SUPT3H: variants seen among roughly 807,000 people sequenced by gnomAD.
The protein encoded by SUPT3H is transcription initiation protein SPT3 homolog.
SUPT3H carries 44 observed loss-of-function variants against 44.3 expected under a neutral mutation model. The ratio of observed to expected loss-of-function variants is 0.99; its 90% CI spans 0.78 to 1.28. The LOEUF (loss-of-function observed/expected upper bound fraction) is 1.28, where lower values mean the gene tolerates loss of function less well. Among genes scored for constraint, SUPT3H ranks in the 50% most tolerant of loss-of-function variants. The probability of loss-of-function intolerance (pLI) is 0.00; values close to 1 mark genes in which losing one functional copy is unlikely to be tolerated. For synonymous variants in SUPT3H, 124 were observed against 125.6 expected, an observed-to-expected ratio of 0.99 and a Z score of 0.09; for missense variants, 380 against 387.1, an observed-to-expected ratio of 0.98 and a Z score of 0.15.
Position 45,003,652 on chromosome 6 carries a change from C to A in SUPT3H, c.504+1G>T, listed in dbSNP as rs143008476. ...TGTAAAAAGGGAAGAATGTACTATACCTCCATTCTTTCTTGTTTAACTTCA... is the reference window on the plus strand; with the variant it reads ...TGTAAAAAGGGAAGAATGTACTATAACTCCATTCTTTCTTGTTTAACTTCA... On this transcript the variant is annotated splice_donor_variant, in intron 6 of 10. Coordinates refer to ENST00000371459, the MANE Select transcript of SUPT3H (RefSeq NM_003599.4). LOFTEE classifies it high-confidence loss of function. The A allele has an allele frequency of 1.2e-6, 2 of 1,613,046 alleles. No homozygotes were observed. The highest frequency in any genetic ancestry group is 1.7e-6 in the Non-Finnish European group (2 of 1,179,404).
intron 2 of SUPT3H, among the ~76,000 whole-genome samples, chr6:45,110,177 C>A (rs12198982): frequency 0.19 from 29,079 of 152,136 alleles, 3,594 homozygotes; most frequent in Non-Finnish European, 0.28. Context: ...TCTTCTCATG[C>A]AAACAGTATT....
chr6:44,946,034 C>T (rs1024646858), intron 9 of SUPT3H, among the ~76,000 whole-genome samples: 1 of 152,106 alleles, frequency 6.6e-6, no homozygotes, highest in African/African-American at 2.4e-5. Flanking sequence ...AATCAGGATC[C>T]TGAAAAATTA....
intron 10 of SUPT3H, among the ~76,000 whole-genome samples, chr6:44,890,520 G>T (rs1194860518): frequency 6.8e-6 from 1 of 146,144 alleles, no homozygotes; most frequent in Non-Finnish European, 1.5e-5. Flanking sequence ...CAAAAAACCA[G>T]ACACCGCATA....
chr6:45,081,212 C>T (rs889945274), intron 3 of SUPT3H, among the ~76,000 whole-genome samples: 3 of 151,964 alleles, frequency 2.0e-5, no homozygotes, highest in Non-Finnish European at 4.4e-5. Context: ...TGGTCCCTAT[C>T]TTACTTTTAC....
At chr6:44,839,137 GTAT>G (rs201728904) in intron 10 of SUPT3H, among the ~76,000 whole-genome samples, 4,077 of 152,130 alleles carry the variant, frequency 0.027, 104 homozygotes, top group South Asian at 0.12. Context: ...ATTTTATTGG[GTAT>G]TATTCTAATT....
intron 2 of SUPT3H, among the ~76,000 whole-genome samples, chr6:45,147,527 G>A (rs1806275401): frequency 6.6e-6 from 1 of 152,140 alleles, no homozygotes; most frequent in Non-Finnish European, 1.5e-5. Context: ...ATTATACAGT[G>A]TAATTGTTGT....
intron 10 of SUPT3H, among the ~76,000 whole-genome samples, chr6:44,862,240 G>A (rs1774771157): frequency 6.6e-6 from 1 of 151,706 alleles, no homozygotes; most frequent in Non-Finnish European, 1.5e-5. Flanking sequence ...TTCTCTGCTT[G>A]GCTTAACTCT....
At chr6:45,022,415 G>GTTTT (rs3053670) in intron 3 of SUPT3H, among the ~76,000 whole-genome samples, 1 of 141,562 alleles carries the variant, frequency 7.1e-6, no homozygotes. Context: ...TGGAATCACT[G>GTTTT]TTTTTTTTTT....
chr6:45,321,056 G>C (rs1301464712), intron 2 of SUPT3H, among the ~76,000 whole-genome samples: 1 of 151,916 alleles, frequency 6.6e-6, no homozygotes, highest in Non-Finnish European at 1.5e-5. Flanking sequence ...TTCTAGCCTT[G>C]AATTACCATA....
intron 2 of SUPT3H, among the ~76,000 whole-genome samples, chr6:45,310,945 G>T (rs193100948): frequency 6.6e-6 from 1 of 152,288 alleles, no homozygotes; most frequent in East Asian, 1.9e-4. Flanking sequence ...TCACTTACCT[G>T]AAAAAGAATT....
chr6:44,941,318 G>C (rs1446313131), intron 9 of SUPT3H, among the ~76,000 whole-genome samples: 1 of 151,998 alleles, frequency 6.6e-6, no homozygotes, highest in Admixed American at 6.6e-5. Flanking sequence ...TTTGTGTAAG[G>C]TCAGACTAGT....
intron 10 of SUPT3H, among the ~76,000 whole-genome samples, chr6:44,887,290 C>T (rs375871387): frequency 3.3e-5 from 5 of 152,060 alleles, no homozygotes; most frequent in Non-Finnish European, 5.9e-5. Context: ...TACAGAACTC[C>T]CCACTGCAAA....
chr6:44,917,560 T>C (rs1304318452), intron 10 of SUPT3H, among the ~76,000 whole-genome samples: 3 of 152,118 alleles, frequency 2.0e-5, no homozygotes, highest in South Asian at 4.1e-4. Context: ...TGTCTAAACA[T>C]GCAAATATGA....
At chr6:45,134,699 C>T (rs1804002848) in intron 2 of SUPT3H, among the ~76,000 whole-genome samples, 1 of 152,172 alleles carries the variant, frequency 6.6e-6, no homozygotes, top group African/African-American at 2.4e-5. Flanking sequence ...AGTAGTCTCA[C>T]ATAGGTCTAA....
intron 2 of SUPT3H, among the ~76,000 whole-genome samples, chr6:45,170,408 C>T (rs996722433): frequency 6.6e-6 from 1 of 152,104 alleles, no homozygotes; most frequent in South Asian, 2.1e-4. Flanking sequence ...GAGCATATCC[C>T]CACACTCCTT....
intron 2 of SUPT3H, among the ~76,000 whole-genome samples, chr6:45,124,070 T>C (rs1802059024): frequency 6.6e-6 from 1 of 152,164 alleles, no homozygotes; most frequent in Non-Finnish European, 1.5e-5. Context: ...TCAAATAATA[T>C]GAATTAAGAG....
intron 2 of SUPT3H, chr6:45,159,414 T>A (rs1015368464): frequency 5.9e-5 from 9 of 152,278 alleles, no homozygotes; most frequent in Admixed American, 5.2e-4. Context: ...ATCAGTTATC[T>A]CAGGCACAGA....
intron 11 of SUPT3H, among the ~76,000 whole-genome samples, chr6:44,816,781 C>T (rs1766938512): frequency 6.6e-6 from 1 of 152,142 alleles, no homozygotes; most frequent in South Asian, 2.1e-4. Context: ...TCGCCAGGCA[C>T]AGTAGCTCAG....
At position 45,158,298 on chromosome 6, in the gene SUPT3H, A is replaced by ATATATATATT; in HGVS notation, c.102-52293_102-52292insAATATATATA. The stretch of plus-strand genomic sequence containing the variant: ...TACATATATATATATATATATATAT[A>ATATATATATT]TTTTTTTTTTTTTTTTTTTGAGATG... On this transcript the variant is annotated intron_variant, in intron 2 of 10. Transcript: ENST00000371459. Among the ~76,000 whole-genome samples, 59 of 99,684 alleles carry ATATATATATT rather than the reference A, an allele frequency of 5.9e-4. 1 individual carries two copies. Among genetic ancestry groups the ATATATATATT allele is most frequent in the African/African-American group, 2.8e-3 (56 of 19,978 alleles). The allele number at this position is 99,684 out of a possible 152,430, so 65.4% of individuals were successfully genotyped here. A position where few individuals can be genotyped will look rare whatever the true frequency, so the allele number is the denominator to read the frequency against.
Sources: allele counts gnomAD v4.1 joint callset (sites outside exome capture counted in the v4.1 genomes callset), GRCh38; gene constraint gnomAD v4.1.1; transcripts MANE v1.5; gene names NCBI Gene and HGNC (gene_info 2026-07-23, HGNC 2026-07-21).